The following RARB variants were observed in gnomAD, a reference collection of about 807,000 sequenced individuals.
RARB encodes the protein HBV-activated protein.
Under a neutral mutation model 51.9 loss-of-function variants are expected in RARB, and 17 were observed. That is an observed-to-expected ratio of 0.33 (90% CI 0.22 to 0.49). The LOEUF is 0.49. Ranked by LOEUF, RARB falls within the 20% of genes least tolerant of loss-of-function variation. RARB has a pLI of 0.99. For missense variants in RARB, 369 were observed against 550.8 expected (o/e 0.67, Z 3.30); for synonymous variants, 215 against 195.4 (o/e 1.10, Z -0.84).
In RARB at chr3:25,596,769, A is replaced by G; in HGVS notation, c.*153A>G. 1 of 573,400 alleles carries G rather than the reference A, an allele frequency of 1.7e-6. No individual in the cohort carries two copies. Among genetic ancestry groups the G allele is most frequent in the Non-Finnish European group, 2.9e-6 (1 of 347,564 alleles). 35.5% of individuals were successfully genotyped at this position (573,400 alleles called of 1,614,324 possible). A position where few individuals can be genotyped will look rare whatever the true frequency, so the allele number is the denominator to read the frequency against. ...GAAGTTTTCATATGTATCAATATATATACTCCTCACTGTGTAACTTACCTA... is the reference window on the plus strand; with the variant it reads ...GAAGTTTTCATATGTATCAATATATGTACTCCTCACTGTGTAACTTACCTA... On this transcript the variant is annotated 3_prime_UTR_variant, in exon 8 of 8. Transcript: ENST00000330688.
chr3:25,199,552 A>T (rs1362398008), intron 5 of RARB, among the ~76,000 whole-genome samples: 1 of 152,068 alleles, frequency 6.6e-6, no homozygotes, highest in Non-Finnish European at 1.5e-5. Context: ...TGCTGCACCC[A>T]TTAACTTGTC....
chr3:25,521,066 T>C (rs973410349), intron 3 of RARB, among the ~76,000 whole-genome samples: 1 of 152,178 alleles, frequency 6.6e-6, no homozygotes, highest in African/African-American at 2.4e-5. Flanking sequence ...AAACAGAGGA[T>C]ATAAATGTGG....
intron 5 of RARB, among the ~76,000 whole-genome samples, chr3:25,295,050 T>C: frequency 6.6e-6 from 1 of 152,352 alleles, no homozygotes; most frequent in African/African-American, 2.4e-5. Flanking sequence ...AGTAATATGT[T>C]ACCCAAATTA....
chr3:25,340,875 T>C (rs760709141), intron 5 of RARB, among the ~76,000 whole-genome samples: 9 of 152,158 alleles, frequency 5.9e-5, no homozygotes, highest in Non-Finnish European at 1.0e-4. Context: ...TGAAGCTGAG[T>C]AGAATTGCCT....
intron 2 of RARB, among the ~76,000 whole-genome samples, chr3:24,864,776 C>T (rs903374637): frequency 6.6e-6 from 1 of 152,116 alleles, no homozygotes; most frequent in African/African-American, 2.4e-5. Flanking sequence ...AAAAAATTTA[C>T]TATCAATCTT....
intron 5 of RARB, among the ~76,000 whole-genome samples, chr3:25,267,915 G>A (rs974335476): frequency 1.3e-5 from 2 of 152,158 alleles, no homozygotes; most frequent in Non-Finnish European, 2.9e-5. Flanking sequence ...TGGAAAATTG[G>A]CAAATGTGTA....
At chr3:25,034,994 C>T (rs2125291927) in intron 2 of RARB, among the ~76,000 whole-genome samples, 1 of 152,178 alleles carries the variant, frequency 6.6e-6, no homozygotes, top group East Asian at 1.9e-4. Context: ...ACATGCCTTG[C>T]CATTTATCAT....
At chr3:24,896,384 T>A (rs1703479579) in intron 2 of RARB, among the ~76,000 whole-genome samples, 1 of 152,068 alleles carries the variant, frequency 6.6e-6, no homozygotes, top group Non-Finnish European at 1.5e-5. Flanking sequence ...TTCAGCCTCC[T>A]GAGTAGCTGG....
intron 5 of RARB, among the ~76,000 whole-genome samples, chr3:25,385,915 C>T (rs1469259162): frequency 6.6e-6 from 1 of 152,146 alleles, no homozygotes; most frequent in East Asian, 1.9e-4. Flanking sequence ...TGCTTAAAGC[C>T]CTAATGCAGA....
At chr3:25,370,374 T>C (rs1382871895) in intron 5 of RARB, among the ~76,000 whole-genome samples, 1 of 152,174 alleles carries the variant, frequency 6.6e-6, no homozygotes, top group Non-Finnish European at 1.5e-5. Flanking sequence ...AGGAAGTAAC[T>C]GGTACCATAA....
intron 4 of RARB, among the ~76,000 whole-genome samples, chr3:25,575,367 A>G (rs142588991): frequency 3.8e-4 from 58 of 152,320 alleles, no homozygotes; most frequent in African/African-American, 1.3e-3. Context: ...TGTTGCAACA[A>G]ACAATGACTG....
At chr3:25,361,473 T>G (rs1451390241) in intron 5 of RARB, among the ~76,000 whole-genome samples, 1 of 152,224 alleles carries the variant, frequency 6.6e-6, no homozygotes, top group African/African-American at 2.4e-5. Flanking sequence ...TTCTGAAGCC[T>G]ACTTCTGTCA....
intron 2 of RARB, among the ~76,000 whole-genome samples, chr3:24,943,875 A>G (rs1695720468): frequency 6.6e-6 from 1 of 152,194 alleles, no homozygotes; most frequent in Admixed American, 6.5e-5. Flanking sequence ...GAGGCTGAAG[A>G]CTTCTAGAAG....
chr3:25,262,225 G>T (rs1258337847), intron 5 of RARB, among the ~76,000 whole-genome samples: 2 of 152,078 alleles, frequency 1.3e-5, no homozygotes, highest in African/African-American at 2.4e-5. Flanking sequence ...CAGAACCTGT[G>T]CCCAGAGTGA....
At chr3:25,334,394 T>C (rs1277298768) in intron 5 of RARB, among the ~76,000 whole-genome samples, 2 of 152,068 alleles carry the variant, frequency 1.3e-5, no homozygotes, top group African/African-American at 4.8e-5. Context: ...ATGGATGAAG[T>C]AGGAAACCAT....
intron 2 of RARB, among the ~76,000 whole-genome samples, chr3:25,017,091 C>T (rs891691462): frequency 2.0e-5 from 3 of 152,118 alleles, no homozygotes; most frequent in African/African-American, 7.2e-5. Context: ...TGTGGAGTGG[C>T]AGGGCCATGT....
rs143096912 is a variant in RARB at position 25,123,217 on chromosome 3, C to T, written c.-327-8944C>T. On this transcript the variant is annotated intron_variant, in intron 3 of 11. Transcript: ENST00000383772. ...TGACAGGTTTGTCTGTGCTTCTCAC[C>T]TTCCATTACTTTATGTGTGGTCTAC... Among the ~76,000 whole-genome samples the T allele has an allele frequency of 8.4e-3, 1,275 of 152,264 alleles. 15 individuals carry two copies. The highest frequency in any genetic ancestry group is 0.015 in the Non-Finnish European group (987 of 68,014).
At chr3:24,997,873 G>A (rs1375137175) in intron 2 of RARB, among the ~76,000 whole-genome samples, 3 of 152,030 alleles carry the variant, frequency 2.0e-5, no homozygotes, top group Admixed American at 6.6e-5. Context: ...TCTTGATTGA[G>A]TTGTTAAAAT....
intron 3 of RARB, among the ~76,000 whole-genome samples, chr3:25,107,373 G>C (rs1179183293): frequency 6.6e-6 from 1 of 152,162 alleles, no homozygotes; most frequent in African/African-American, 2.4e-5. Context: ...GGTTCTGAGA[G>C]GGGCCTTTCA....
Sources: allele counts gnomAD v4.1 joint callset (sites outside exome capture counted in the v4.1 genomes callset), GRCh38; gene constraint gnomAD v4.1.1; transcripts MANE v1.5; gene names NCBI Gene and HGNC (gene_info 2026-07-23, HGNC 2026-07-21).